Variants in FHOD3 observed in about 807,000 individuals in gnomAD.
The protein encoded by FHOD3 is FH1/FH2 domain-containing protein 3.
FHOD3 carries 90 observed loss-of-function variants against 173.0 expected under a neutral mutation model. The observed-to-expected ratio is 0.52, with a 90% CI of 0.44 to 0.62. The LOEUF (loss-of-function observed/expected upper bound fraction) is 0.62. Ranked by LOEUF, FHOD3 falls within the 20% of genes least tolerant of loss-of-function variation. The pLI, the probability that FHOD3 is intolerant of heterozygous loss-of-function variation, is 0.00. For synonymous variants in FHOD3, 828 were observed against 823.0 expected (o/e 1.01, Z -0.10); for missense variants, 1,945 against 2,034.7 (o/e 0.96, Z 0.85).
At position 36,760,883 on chromosome 18, in the gene FHOD3, C is replaced by T. The variant is rs2042847617; in HGVS notation, c.4624+101C>T. On this transcript the variant is annotated intron_variant, in intron 27 of 28. Transcript: ENST00000590592. ...GCTGCGGTCCACGGCTGTGACTGGC[C>T]CTCGGCTCCAGTGCCAACCTAACCA... is the stretch of plus-strand genomic sequence containing the variant. 22 of 1,298,580 alleles carry T rather than the reference C, an allele frequency of 1.7e-5. No homozygotes were observed. In the South Asian group the frequency reaches 3.2e-4, roughly 19 times the overall value. The allele number at this position is 1,298,580 out of a possible 1,614,324, so 80.4% of individuals were successfully genotyped here.
At chr18:36,757,057 AG>A (rs140177079) in intron 25 of FHOD3, among the ~76,000 whole-genome samples, 7,941 of 152,316 alleles carry the variant, frequency 0.052, 327 homozygotes, top group Non-Finnish European at 0.072. Flanking sequence ...ATATGCTTAT[AG>A]TTATGTGGAC....
chr18:36,466,801 G>C (rs912239207), intron 3 of FHOD3, among the ~76,000 whole-genome samples: 3 of 152,100 alleles, frequency 2.0e-5, no homozygotes, highest in African/African-American at 7.2e-5. Context: ...AAACAACTCA[G>C]AGACATACGT....
At chr18:36,552,544 G>C (rs1188846105) in intron 5 of FHOD3, among the ~76,000 whole-genome samples, 1 of 150,382 alleles carries the variant, frequency 6.6e-6, no homozygotes, top group Admixed American at 6.6e-5. Flanking sequence ...TGTTGCCCAG[G>C]CTGGAGTGCA....
At chr18:36,391,646 T>C (rs955390724) in intron 3 of FHOD3, among the ~76,000 whole-genome samples, 7 of 152,130 alleles carry the variant, frequency 4.6e-5, no homozygotes, top group African/African-American at 1.7e-4. Context: ...TGACCTTAAG[T>C]AGGACCCTTG....
At chr18:36,488,648 G>T (rs1010473874) in intron 3 of FHOD3, among the ~76,000 whole-genome samples, 21 of 152,224 alleles carry the variant, frequency 1.4e-4, no homozygotes, top group Admixed American at 1.1e-3. Context: ...CTTGTGCCAG[G>T]TGTGTTTCCA....
intron 1 of FHOD3, among the ~76,000 whole-genome samples, chr18:36,336,255 A>G (rs888754072): frequency 6.6e-6 from 1 of 152,230 alleles, no homozygotes; most frequent in Non-Finnish European, 1.5e-5. Flanking sequence ...GCTGAACCGG[A>G]AAGGAACCTG....
At chr18:36,619,047 C>A (rs1417969494) in intron 9 of FHOD3, among the ~76,000 whole-genome samples, 2 of 152,230 alleles carry the variant, frequency 1.3e-5, no homozygotes, top group African/African-American at 4.8e-5. Context: ...TCCATGCTTT[C>A]TTCTGGGACC....
intron 10 of FHOD3, among the ~76,000 whole-genome samples, chr18:36,626,535 G>T (rs2034122546): frequency 6.6e-6 from 1 of 152,200 alleles, no homozygotes; most frequent in Admixed American, 6.5e-5. Context: ...GGGTCCAGTT[G>T]TATCTTCCCA....
intron 7 of FHOD3, among the ~76,000 whole-genome samples, chr18:36,595,404 C>T (rs1482511014): frequency 6.6e-6 from 1 of 152,188 alleles, no homozygotes; most frequent in Non-Finnish European, 1.5e-5. Flanking sequence ...CCAGTGGCTT[C>T]CCAGTGCTTA....
chr18:36,355,498 C>A (rs1261516809), intron 1 of FHOD3, 41 bp from the exon 2 acceptor site: 1 of 1,528,280 alleles, frequency 6.5e-7, no homozygotes, highest in Non-Finnish European at 9.1e-7. Context: ...TAGTCTCCAT[C>A]TGAGGAGCAG....
chr18:36,675,385 T>G (rs1568588409), intron 14 of FHOD3, among the ~76,000 whole-genome samples: 1 of 152,094 alleles, frequency 6.6e-6, no homozygotes, highest in African/African-American at 2.4e-5. Flanking sequence ...TCCTTCTCTA[T>G]TTTATCCTCT....
intron 5 of FHOD3, among the ~76,000 whole-genome samples, chr18:36,530,604 A>T (rs960555000): frequency 6.6e-6 from 1 of 152,160 alleles, no homozygotes; most frequent in Non-Finnish European, 1.5e-5. Context: ...GCAATTATTT[A>T]TTAGTTCTCT....
At chr18:36,507,559 A>C (rs987299754) in intron 4 of FHOD3, among the ~76,000 whole-genome samples, 6 of 152,230 alleles carry the variant, frequency 3.9e-5, no homozygotes, top group Non-Finnish European at 5.9e-5. Flanking sequence ...GTTCATCGCC[A>C]GGCCTTTCGT....
intron 24 of FHOD3, among the ~76,000 whole-genome samples, chr18:36,748,998 A>AG (rs11455949): frequency 0.21 from 30,629 of 147,882 alleles, 3,848 homozygotes; most frequent in African/African-American, 0.38. Context: ...AAAGGACCCT[A>AG]TTCAGGGCCT....
chr18:36,553,214 G>C (rs1196412307), intron 5 of FHOD3, among the ~76,000 whole-genome samples: 1 of 152,140 alleles, frequency 6.6e-6, no homozygotes, highest in African/African-American at 2.4e-5. Context: ...TGCTGGATTC[G>C]ATTTGCCAGT....
intron 1 of FHOD3, among the ~76,000 whole-genome samples, chr18:36,332,742 G>A (rs1330841334): frequency 1.3e-5 from 2 of 152,204 alleles, no homozygotes; most frequent in Admixed American, 1.3e-4. Context: ...AGGTTGGAGT[G>A]GGTGGGCATG....
At chr18:36,761,540 C>T (rs1012165053) in intron 27 of FHOD3, among the ~76,000 whole-genome samples, 1 of 152,144 alleles carries the variant, frequency 6.6e-6, no homozygotes, top group African/African-American at 2.4e-5. Context: ...CCTCACCCTG[C>T]ATGGTCACCG....
intron 3 of FHOD3, among the ~76,000 whole-genome samples, chr18:36,396,766 C>T (rs533555130): frequency 1.3e-5 from 2 of 152,106 alleles, no homozygotes; most frequent in Non-Finnish European, 1.5e-5. Flanking sequence ...ACTCCTTATT[C>T]TCTTCTTCCT....
intron 2 of FHOD3, among the ~76,000 whole-genome samples, chr18:36,361,056 G>A (rs1055462340): frequency 3.3e-5 from 5 of 152,116 alleles, no homozygotes; most frequent in African/African-American, 7.2e-5. Context: ...AAAGGTAGAC[G>A]TTCCCTGATT....
Sources: gnomAD v4.1 joint callset for allele counts (sites outside exome capture counted in the v4.1 genomes callset) on GRCh38, gnomAD v4.1.1 for gene constraint, MANE v1.5 for transcripts, NCBI Gene and HGNC (gene_info 2026-07-23, HGNC 2026-07-21) for gene names.